The following DAB2IP variants were observed in gnomAD, a reference collection of about 807,000 sequenced individuals.
The protein encoded by DAB2IP is disabled homolog 2-interacting protein.
DAB2IP carries 28 observed loss-of-function variants against 107.2 expected under a neutral mutation model. The observed-to-expected ratio is 0.26, with a 90% CI of 0.19 to 0.36. The LOEUF is 0.36. Ranked by LOEUF, DAB2IP falls within the 10% of genes least tolerant of loss-of-function variation. The probability of loss-of-function intolerance (pLI) is 1.00; values close to 1 mark genes in which losing one functional copy is unlikely to be tolerated. For missense variants in DAB2IP, 1,400 were observed against 1,644.7 expected (o/e 0.85, Z 2.57); for synonymous variants, 755 against 706.4 (o/e 1.07, Z -1.09).
At chr9:121,774,873 T>A (rs1835081379) in intron 13 of DAB2IP, among the ~76,000 whole-genome samples, 1 of 152,136 alleles carries the variant, frequency 6.6e-6, no homozygotes, top group Non-Finnish European at 1.5e-5. Flanking sequence ...GGCTTGTGCC[T>A]GCCCACGGCC....
chr9:121,777,703 A>C (rs948611673), intron 14 of DAB2IP, among the ~76,000 whole-genome samples: 7 of 152,206 alleles, frequency 4.6e-5, no homozygotes, highest in Admixed American at 4.6e-4. Context: ...TGCTTTATGT[A>C]CACTGAAACT....
At chr9:121,784,725 T>C (rs1408538915) in exon 16 of DAB2IP, 1 of 154,396 alleles carries the variant, frequency 6.5e-6, no homozygotes, top group African/African-American at 2.4e-5. Flanking sequence ...TTATTTTATT[T>C]CTGAATCTAG....
chr9:121,705,538 T>TAC, intron 3 of DAB2IP, among the ~76,000 whole-genome samples: 1 of 152,270 alleles, frequency 6.6e-6, no homozygotes, highest in Non-Finnish European at 1.5e-5. Context: ...CAGTTGTTTG[T>TAC]ACATGTCTGT....
intron 3 of DAB2IP, among the ~76,000 whole-genome samples, chr9:121,740,664 G>C (rs1422939264): frequency 1.3e-5 from 2 of 152,332 alleles, no homozygotes; most frequent in East Asian, 3.9e-4. Flanking sequence ...ATCGGCTTGA[G>C]GGTGCAGGGT....
At chr9:121,671,383 G>A (rs1055836382) in intron 1 of DAB2IP, among the ~76,000 whole-genome samples, 1 of 152,088 alleles carries the variant, frequency 6.6e-6, no homozygotes, top group African/African-American at 2.4e-5. Flanking sequence ...TTCTCACCTC[G>A]ATAATTCAGG....
At chr9:121,705,859 T>C (rs373226071) in intron 3 of DAB2IP, among the ~76,000 whole-genome samples, 1 of 152,244 alleles carries the variant, frequency 6.6e-6, no homozygotes, top group East Asian at 1.9e-4. Flanking sequence ...ATCGACTCTT[T>C]AATGGAATTC....
exon 16 of DAB2IP, chr9:121,783,817 C>G: frequency 1.8e-6 from 1 of 540,776 alleles, no homozygotes; most frequent in East Asian, 3.1e-5. Flanking sequence ...GCTTATCTGC[C>G]CCTCCCCCAC....
chr9:121,679,413 TAC>T (rs3138857), intron 2 of DAB2IP, among the ~76,000 whole-genome samples: 4,421 of 134,932 alleles, frequency 0.033, 72 homozygotes, highest in East Asian at 0.11. Flanking sequence ...TTTGTGCATG[TAC>T]ACACACACAC....
At chr9:121,783,898 A>C (rs1835832190) in exon 16 of DAB2IP, 1 of 332,854 alleles carries the variant, frequency 3.0e-6, no homozygotes, top group Non-Finnish European at 5.7e-6. Flanking sequence ...GCAGATTCTG[A>C]GCAAAGGCCC....
At chr9:121,721,948 C>T (rs1379662028) in intron 3 of DAB2IP, among the ~76,000 whole-genome samples, 2 of 152,180 alleles carry the variant, frequency 1.3e-5, no homozygotes, top group Non-Finnish European at 2.9e-5. Context: ...TCCTTGCATG[C>T]CCTGGACGTG....
exon 16 of DAB2IP, chr9:121,783,646 C>G (rs1452904869): frequency 2.0e-6 from 3 of 1,464,886 alleles, no homozygotes; most frequent in African/African-American, 1.4e-5. Context: ...GTTAGACTTG[C>G]TCCCTCTCCA....
At chr9:121,593,673 C>CT (rs71370677) in intron 1 of DAB2IP, among the ~76,000 whole-genome samples, 77 of 110,934 alleles carry the variant, frequency 6.9e-4, no homozygotes, top group African/African-American at 1.7e-3. Context: ...CTTTTTTTTT[C>CT]TTTTTTTTTT....
chr9:121,672,839 C>G (rs748239305), intron 1 of DAB2IP, among the ~76,000 whole-genome samples: 29 of 152,230 alleles, frequency 1.9e-4, no homozygotes, highest in African/African-American at 6.5e-4. Context: ...CACTTCACCT[C>G]TCTGGGTTTC....
intron 3 of DAB2IP, among the ~76,000 whole-genome samples, chr9:121,712,220 G>A (rs1830370231): frequency 2.0e-5 from 3 of 151,966 alleles, no homozygotes; most frequent in Admixed American, 1.3e-4. Context: ...AAGGGCAGGT[G>A]AGGGGTAGTG....
At chr9:121,775,157 C>CG (rs1835109422) in intron 13 of DAB2IP, among the ~76,000 whole-genome samples, 1 of 152,180 alleles carries the variant, frequency 6.6e-6, no homozygotes, top group Non-Finnish European at 1.5e-5. Context: ...TCCATGTAGA[C>CG]GGAGGAACCA....
intron 1 of DAB2IP, among the ~76,000 whole-genome samples, chr9:121,570,224 C>A (rs1035519333): frequency 6.6e-6 from 1 of 151,168 alleles, no homozygotes; most frequent in Non-Finnish European, 1.5e-5. Flanking sequence ...TCCATCCTCC[C>A]ACCTCAGCCT....
At chr9:121,715,451 C>T (rs1221928346) in intron 3 of DAB2IP, among the ~76,000 whole-genome samples, 1 of 151,268 alleles carries the variant, frequency 6.6e-6, no homozygotes, top group Non-Finnish European at 1.5e-5. Context: ...CTCCCAGGTT[C>T]ACACCATTCT....
At chr9:121,620,292 T>C (rs984518623) in intron 1 of DAB2IP, among the ~76,000 whole-genome samples, 1 of 145,030 alleles carries the variant, frequency 6.9e-6, no homozygotes, top group African/African-American at 2.5e-5. Flanking sequence ...TGCTTCCACC[T>C]GTTTACTTTC....
chr9:121,622,119 G>T (rs1363171582), intron 1 of DAB2IP, among the ~76,000 whole-genome samples: 2 of 151,184 alleles, frequency 1.3e-5, no homozygotes, highest in African/African-American at 2.4e-5. Flanking sequence ...CTCCTGAGTA[G>T]CTGGGACTAC....
Sources: allele counts gnomAD v4.1 joint callset (sites outside exome capture counted in the v4.1 genomes callset), GRCh38; gene constraint gnomAD v4.1.1; transcripts MANE v1.5; gene names NCBI Gene and HGNC (gene_info 2026-07-23, HGNC 2026-07-21).